Variants in MAGI2 observed in about 807,000 individuals in gnomAD.
The protein encoded by MAGI2 is membrane associated guanylate kinase, WW and PDZ domain containing 2, also known as membrane-associated guanylate kinase, WW and PDZ domain-containing protein 2.
MAGI2 carries 35 observed loss-of-function variants against 133.3 expected under a neutral mutation model. That is an observed-to-expected ratio of 0.26 (90% CI 0.20 to 0.35). MAGI2 has a LOEUF of 0.35. MAGI2 is among the 10% of genes least tolerant of loss of function. The pLI is 1.00. For synonymous variants in MAGI2, 729 were observed against 710.6 expected (o/e 1.03, Z -0.41); for missense variants, 1,636 against 1,863.4 (o/e 0.88, Z 2.25).
intron 3 of MAGI2, chr7:78,614,758 A>G (rs1165912029): frequency 6.6e-6 from 1 of 152,202 alleles, no homozygotes; most frequent in Non-Finnish European, 1.5e-5. Context: ...AAAATATTTT[A>G]TACCAAGAGT....
intron 6 of MAGI2, among the ~76,000 whole-genome samples, chr7:78,420,997 C>G (rs1204669233): frequency 2.0e-5 from 3 of 152,128 alleles, no homozygotes; most frequent in African/African-American, 7.2e-5. Flanking sequence ...TCCAAGTTGA[C>G]AAATTGGACA....
chr7:78,836,080 C>A (rs1048108146), intron 2 of MAGI2, among the ~76,000 whole-genome samples: 1 of 152,140 alleles, frequency 6.6e-6, no homozygotes, highest in African/African-American at 2.4e-5. Flanking sequence ...TGTGCAGCCA[C>A]CATATTAGCA....
At chr7:79,411,807 C>T (rs1462705103) in intron 1 of MAGI2, 1 of 151,842 alleles carries the variant, frequency 6.6e-6, no homozygotes, top group African/African-American at 2.4e-5. Flanking sequence ...ATTTTTAGCT[C>T]TTCAACTGAA....
At chr7:78,649,812 C>A (rs144881865) in intron 2 of MAGI2, among the ~76,000 whole-genome samples, 1 of 152,014 alleles carries the variant, frequency 6.6e-6, no homozygotes. Flanking sequence ...TAACCTCACT[C>A]GTCTGAACAG....
intron 2 of MAGI2, among the ~76,000 whole-genome samples, chr7:78,664,256 C>CAGTAG (rs1336744772): frequency 6.6e-6 from 1 of 152,150 alleles, no homozygotes; most frequent in African/African-American, 2.4e-5. Context: ...CTCCTTTCAC[C>CAGTAG]AGTAGTTATC....
At chr7:78,650,894 T>C (rs1474915060) in intron 2 of MAGI2, among the ~76,000 whole-genome samples, 2 of 152,284 alleles carry the variant, frequency 1.3e-5, no homozygotes, top group African/African-American at 4.8e-5. Flanking sequence ...TTTATTTCTT[T>C]GTATCCGAAC....
intron 2 of MAGI2, among the ~76,000 whole-genome samples, chr7:78,718,317 T>G (rs1585182137): frequency 6.6e-6 from 1 of 152,204 alleles, no homozygotes; most frequent in South Asian, 2.1e-4. Flanking sequence ...CTCAGCACTT[T>G]GTCCTCTAGA....
chr7:78,741,541 T>C lies in MAGI2; in HGVS notation c.419-114302A>G, dbSNP rs575440180. On this transcript the variant is annotated intron_variant, in intron 2 of 21. Transcript: ENST00000354212. ...TATAAATTCCAGACTGCAGACTTAT[T>C]TGAAAATACAGTAGAAACTTAGAAA... 5.3e-5 allele frequency among the ~76,000 whole-genome samples: 8 copies of C among 151,804 alleles called. No individual in the cohort carries two copies. In the South Asian group the frequency reaches 1.7e-3, roughly 32 times the overall value.
intron 1 of MAGI2, among the ~76,000 whole-genome samples, chr7:79,330,180 CTTTTTTTTTT>C (rs544172383): frequency 1.4e-4 from 8 of 59,156 alleles, no homozygotes; most frequent in East Asian, 6.0e-4. Flanking sequence ...CAATCTGCAT[CTTTTTTTTTT>C]TTTTTTTTTT....
At chr7:78,602,199 G>A (rs1805279032) in intron 3 of MAGI2, among the ~76,000 whole-genome samples, 1 of 148,368 alleles carries the variant, frequency 6.7e-6, no homozygotes, top group Non-Finnish European at 1.5e-5. Context: ...CAGGCTTGTT[G>A]TTTCACTCTT....
chr7:79,159,755 C>A (rs1189176110), intron 1 of MAGI2, among the ~76,000 whole-genome samples: 2 of 151,936 alleles, frequency 1.3e-5, no homozygotes, highest in African/African-American at 2.4e-5. Context: ...TTCGAAAAGG[C>A]CTTGGAGCAT....
At chr7:78,916,498 A>G (rs988633152) in intron 2 of MAGI2, among the ~76,000 whole-genome samples, 2 of 152,148 alleles carry the variant, frequency 1.3e-5, no homozygotes, top group African/African-American at 4.8e-5. Flanking sequence ...TTTATAAGAT[A>G]ATGCAATAAT....
At chr7:79,199,313 G>A (rs1490937314) in intron 1 of MAGI2, among the ~76,000 whole-genome samples, 1 of 151,946 alleles carries the variant, frequency 6.6e-6, no homozygotes, top group Non-Finnish European at 1.5e-5. Flanking sequence ...AAACAAAAAA[G>A]TTGAAAGAAT....
chr7:79,097,121 T>C (rs1817584501), intron 1 of MAGI2, among the ~76,000 whole-genome samples: 1 of 152,220 alleles, frequency 6.6e-6, no homozygotes, highest in South Asian at 2.1e-4. Context: ...AGGCTTTCAA[T>C]ATGCCAGTTA....
intron 21 of MAGI2, among the ~76,000 whole-genome samples, chr7:78,072,107 A>G (rs915809598): frequency 1.3e-5 from 2 of 152,174 alleles, no homozygotes; most frequent in Non-Finnish European, 2.9e-5. Context: ...TGATAGATGA[A>G]GTTTTGGCTC....
At chr7:78,502,054 A>G (rs1584416829) in intron 4 of MAGI2, among the ~76,000 whole-genome samples, 1 of 152,278 alleles carries the variant, frequency 6.6e-6, no homozygotes, top group East Asian at 1.9e-4. Context: ...TAATACAGGT[A>G]TGGTGAGCAG....
At chr7:79,071,655 T>C (rs911188317) in intron 1 of MAGI2, among the ~76,000 whole-genome samples, 3 of 150,802 alleles carry the variant, frequency 2.0e-5, no homozygotes, top group Non-Finnish European at 4.4e-5. Context: ...AGAGATGCCC[T>C]GCCCAGAGAG....
At chr7:78,901,807 A>T (rs922508273) in intron 2 of MAGI2, among the ~76,000 whole-genome samples, 1 of 152,180 alleles carries the variant, frequency 6.6e-6, no homozygotes, top group Non-Finnish European at 1.5e-5. Flanking sequence ...TTCTTTCAGG[A>T]AACAAGCAAT....
intron 3 of MAGI2, chr7:78,616,918 G>A (rs994662968): frequency 3.3e-5 from 5 of 152,154 alleles, no homozygotes; most frequent in Admixed American, 3.3e-4. Context: ...AAAATGAACT[G>A]TGATTCAAAC....
Sources: allele counts gnomAD v4.1 joint callset (sites outside exome capture counted in the v4.1 genomes callset), GRCh38; gene constraint gnomAD v4.1.1; transcripts MANE v1.5; gene names NCBI Gene and HGNC (gene_info 2026-07-23, HGNC 2026-07-21).